MSR1: variants seen among roughly 807,000 people sequenced by gnomAD.
The protein encoded by MSR1 is macrophage scavenger receptor 1, also known as macrophage scavenger receptor types I and II.
Under a neutral mutation model 47.2 loss-of-function variants are expected in MSR1, and 53 were observed. The observed-to-expected ratio is 1.12, with a 90% CI of 0.90 to 1.41. The LOEUF is 1.41. Among genes scored for constraint, MSR1 ranks in the 40% most tolerant of loss-of-function variants. The pLI, the probability that MSR1 is intolerant of heterozygous loss-of-function variation, is 0.00. For synonymous variants in MSR1, 239 were observed against 185.6 expected (o/e 1.29, Z -2.34); for missense variants, 786 against 546.9 (o/e 1.44, Z -4.36).
At chr8:16,150,856 A>G (rs904485718) in intron 6 of MSR1, among the ~76,000 whole-genome samples, 1 of 67,784 alleles carries the variant, frequency 1.5e-5, no homozygotes, top group East Asian at 5.7e-4. Context: ...ACATAAACAC[A>G]CACACACACA....
Position 16,143,516 on chromosome 8 carries a change from A to T in MSR1, c.1033+42T>A, listed in dbSNP as rs1216730357. ...GATCTCTAGTATCACAGACTTACTT[A>T]TTACAAGAATTCACACAGAAAACAA... is the stretch of plus-strand genomic sequence containing the variant. On this transcript the variant is annotated intron_variant, in intron 8 of 9. Coordinates refer to ENST00000262101, the MANE Select transcript of MSR1 (RefSeq NM_138715.3). The T allele has an allele frequency of 1.9e-6, 3 of 1,557,630 alleles. No individual in the cohort carries two copies. In the African/African-American group the frequency reaches 4.1e-5, roughly 21 times the overall value.
intron 7 of MSR1, among the ~76,000 whole-genome samples, chr8:16,149,629 A>C (rs776427025): frequency 4.6e-5 from 7 of 152,150 alleles, no homozygotes; most frequent in Non-Finnish European, 1.0e-4. Context: ...AGCTTAGGCT[A>C]CTGGCAGAGC....
At chr8:16,147,234 G>C (rs1800724989) in intron 7 of MSR1, among the ~76,000 whole-genome samples, 1 of 152,108 alleles carries the variant, frequency 6.6e-6, no homozygotes, top group South Asian at 2.1e-4. Flanking sequence ...GCTATGCATG[G>C]AGAAAGTGTG....
intron 8 of MSR1, among the ~76,000 whole-genome samples, chr8:16,136,170 T>C (rs899156475): frequency 3.3e-5 from 5 of 152,142 alleles, no homozygotes; most frequent in African/African-American, 1.2e-4. Context: ...TGCTATCAAA[T>C]AGCATCCATT....
chr8:16,163,607 T>G (rs911575588), intron 5 of MSR1, among the ~76,000 whole-genome samples: 2 of 151,550 alleles, frequency 1.3e-5, no homozygotes, highest in Non-Finnish European at 3.0e-5. Context: ...TTCACCTTAT[T>G]TCACTAACAG....
chr8:16,150,399 G>A, intron 6 of MSR1, 88 bp from the exon 7 acceptor site: 2 of 586,596 alleles, frequency 3.4e-6, no homozygotes, highest in South Asian at 2.8e-5. Context: ...TTTTATAAGT[G>A]AATATGAAAT....
At chr8:16,139,359 C>T in intron 8 of MSR1, 7 of 942,268 alleles carry the variant, frequency 7.4e-6, no homozygotes, top group Non-Finnish European at 8.9e-6. Flanking sequence ...AGCATCTTCA[C>T]ACACACAATA....
chr8:16,134,778 A>G (rs1240150898), intron 8 of MSR1, among the ~76,000 whole-genome samples: 3 of 152,226 alleles, frequency 2.0e-5, no homozygotes, highest in Admixed American at 6.5e-5. Flanking sequence ...TCTTGAAAGC[A>G]ATTAAAAGTG....
intron 3 of MSR1, among the ~76,000 whole-genome samples, 183 bp downstream of exon 3, chr8:16,175,004 A>G (rs545199433): frequency 3.9e-5 from 6 of 152,082 alleles, no homozygotes; most frequent in Non-Finnish European, 7.4e-5. Context: ...TTTAAAAACT[A>G]TTTTTTTCTA....
At chr8:16,165,381 T>A (rs764978249) in intron 4 of MSR1, among the ~76,000 whole-genome samples, 2 of 152,166 alleles carry the variant, frequency 1.3e-5, no homozygotes, top group Non-Finnish European at 2.9e-5. Flanking sequence ...GAGGTTAAAG[T>A]ATCCAGTCAT....
At chr8:16,177,792 C>T in intron 2 of MSR1, 94 bp downstream of exon 2, 2 of 962,224 alleles carry the variant, frequency 2.1e-6, no homozygotes, top group South Asian at 2.7e-5. Context: ...TTAACATCCA[C>T]TTACATTTAA....
At chr8:16,173,509 G>T (rs949207101) in intron 3 of MSR1, among the ~76,000 whole-genome samples, 3 of 152,156 alleles carry the variant, frequency 2.0e-5, no homozygotes, top group Non-Finnish European at 4.4e-5. Flanking sequence ...AATGCCAAAC[G>T]TGTCAGGTCC....
intron 3 of MSR1, among the ~76,000 whole-genome samples, chr8:16,170,888 C>T (rs955989080): frequency 2.0e-5 from 3 of 152,124 alleles, no homozygotes; most frequent in African/African-American, 7.2e-5. Context: ...TGGTGCTGAA[C>T]ACTAATTAAA....
At chr8:16,179,428 G>C (rs1183629045) in intron 1 of MSR1, among the ~76,000 whole-genome samples, 1 of 152,152 alleles carries the variant, frequency 6.6e-6, no homozygotes, top group Non-Finnish European at 1.5e-5. Flanking sequence ...ACAGTTCTCA[G>C]AAATGATGCA....
At chr8:16,159,867 T>G (rs1040719624) in intron 5 of MSR1, among the ~76,000 whole-genome samples, 2 of 151,912 alleles carry the variant, frequency 1.3e-5, no homozygotes, top group East Asian at 1.9e-4. Context: ...GCATCTTAGA[T>G]GGACTTTGAA....
chr8:16,186,418 A>C (rs442677), intron 1 of MSR1: 1 of 528,342 alleles, frequency 1.9e-6, no homozygotes, highest in Non-Finnish European at 3.3e-6. Context: ...CTCAACTACA[A>C]ACCCATATAT....
chr8:16,143,447 T>C, intron 8 of MSR1, 111 bp downstream of exon 8: 1 of 842,704 alleles, frequency 1.2e-6, no homozygotes, highest in Non-Finnish European at 2.0e-6. Flanking sequence ...CCATAGAGTC[T>C]GTATGGATCT....
intron 1 of MSR1, among the ~76,000 whole-genome samples, chr8:16,191,619 G>C (rs1043812325): frequency 2.0e-5 from 3 of 151,988 alleles, no homozygotes; most frequent in African/African-American, 7.3e-5. Flanking sequence ...GAACTGAAAT[G>C]TGTAAGTAAC....
chr8:16,122,826 G>T (rs1800034624), intron 8 of MSR1, among the ~76,000 whole-genome samples: 2 of 149,700 alleles, frequency 1.3e-5, no homozygotes, highest in South Asian at 4.3e-4. Flanking sequence ...GGGGGAGTAG[G>T]TACCTCTATT....
Sources: gnomAD v4.1 joint callset for allele counts (sites outside exome capture counted in the v4.1 genomes callset) on GRCh38, gnomAD v4.1.1 for gene constraint, MANE v1.5 for transcripts, NCBI Gene and HGNC (gene_info 2026-07-23, HGNC 2026-07-21) for gene names.